Variants in DCDC1 observed in about 807,000 individuals in gnomAD.
DCDC1 encodes doublecortin domain-containing protein 1.
Under a neutral mutation model 178.3 loss-of-function variants are expected in DCDC1, and 200 were observed. That is an observed-to-expected ratio of 1.12 (90% CI 1.00 to 1.26). The LOEUF (loss-of-function observed/expected upper bound fraction) is 1.26. Ranked by LOEUF, DCDC1 falls within the 50% of genes most tolerant of loss-of-function variation. The probability of loss-of-function intolerance (pLI) is 0.00; values close to 1 mark genes in which losing one functional copy is unlikely to be tolerated. For missense variants in DCDC1, 1,983 were observed against 1,749.2 expected (o/e 1.13, Z -2.38); for synonymous variants, 690 against 604.8 (o/e 1.14, Z -2.07).
At chr11:31,224,790 A>C (rs1465964914) in intron 9 of DCDC1, among the ~76,000 whole-genome samples, 1 of 152,132 alleles carries the variant, frequency 6.6e-6, no homozygotes, top group Non-Finnish European at 1.5e-5. Context: ...AGGGAAATGC[A>C]AATTAGAACC....
chr11:31,041,018 A>G (rs568246941), intron 20 of DCDC1, among the ~76,000 whole-genome samples: 15 of 152,346 alleles, frequency 9.8e-5, no homozygotes, highest in Non-Finnish European at 2.1e-4. Flanking sequence ...TGTTAGTACT[A>G]CATTTAAAGT....
intron 7 of DCDC1, among the ~76,000 whole-genome samples, chr11:31,283,550 T>C (rs1285317142): frequency 6.6e-6 from 1 of 152,120 alleles, no homozygotes; most frequent in Middle Eastern, 3.2e-3. Flanking sequence ...TTTTGGGGTC[T>C]GTTTCTATTG....
chr11:31,365,094 G>A (rs2133414297), intron 1 of DCDC1, among the ~76,000 whole-genome samples: 1 of 152,206 alleles, frequency 6.6e-6, no homozygotes. Flanking sequence ...TTAAATGTCT[G>A]TTTACCCAGA....
chr11:31,078,062 C>T, intron 17 of DCDC1, 137 bp from the exon 18 acceptor site: 4 of 641,794 alleles, frequency 6.2e-6, no homozygotes, highest in African/African-American at 1.8e-5. Context: ...GCCACCATCA[C>T]TTTTATCTCA....
chr11:30,981,803 A>G (rs539999551), intron 20 of DCDC1, among the ~76,000 whole-genome samples: 1 of 152,278 alleles, frequency 6.6e-6, no homozygotes, highest in East Asian at 1.9e-4. Flanking sequence ...GAATAATAAG[A>G]AAGAACCTAA....
At chr11:31,086,748 A>C (rs571618005) in intron 17 of DCDC1, among the ~76,000 whole-genome samples, 1 of 152,290 alleles carries the variant, frequency 6.6e-6, no homozygotes, top group Admixed American at 6.5e-5. Flanking sequence ...CTCCTGGGAT[A>C]AACCCCACTT....
At chr11:31,035,596 C>T (rs1236702422) in intron 20 of DCDC1, among the ~76,000 whole-genome samples, 2 of 152,230 alleles carry the variant, frequency 1.3e-5, no homozygotes, top group African/African-American at 4.8e-5. Flanking sequence ...AAGGCACATG[C>T]TGAAATGTTT....
chr11:31,248,983 A>G (rs1217391742), intron 8 of DCDC1, among the ~76,000 whole-genome samples: 1 of 152,176 alleles, frequency 6.6e-6, no homozygotes, highest in Non-Finnish European at 1.5e-5. Context: ...ATATTTCATA[A>G]TAAACTTCTG....
intron 34 of DCDC1, among the ~76,000 whole-genome samples, chr11:30,896,746 T>C (rs958449460): frequency 4.6e-5 from 7 of 152,236 alleles, no homozygotes; most frequent in Admixed American, 1.3e-4. Flanking sequence ...CCAATATTTA[T>C]TGAGTATTTG....
At chr11:30,978,779 A>AACACACACACACAC (rs56058117) in intron 20 of DCDC1, among the ~76,000 whole-genome samples, 8 of 119,024 alleles carry the variant, frequency 6.7e-5, no homozygotes, top group African/African-American at 2.6e-4. Flanking sequence ...GTCCCCCCTC[A>AACACACACACACAC]ACACACACAC....
intron 1 of DCDC1, among the ~76,000 whole-genome samples, chr11:31,354,334 A>T (rs1951224815): frequency 6.6e-6 from 1 of 152,224 alleles, no homozygotes; most frequent in South Asian, 2.1e-4. Flanking sequence ...TATGACTGTC[A>T]ACACAGAATA....
At chr11:31,142,582 A>G (rs554794590) in intron 9 of DCDC1, among the ~76,000 whole-genome samples, 2 of 152,218 alleles carry the variant, frequency 1.3e-5, no homozygotes, top group Admixed American at 6.5e-5. Flanking sequence ...TTAGGATAAT[A>G]GAATTTCTTT....
At chr11:31,078,334 C>T (rs575821164) in intron 17 of DCDC1, among the ~76,000 whole-genome samples, 3 of 152,228 alleles carry the variant, frequency 2.0e-5, no homozygotes, top group Non-Finnish European at 2.9e-5. Context: ...AGGAACCTCA[C>T]GTGCCTAATT....
intron 1 of DCDC1, among the ~76,000 whole-genome samples, chr11:31,359,554 T>C (rs1212462287): frequency 2.0e-5 from 3 of 152,004 alleles, no homozygotes; most frequent in Admixed American, 6.5e-5. Flanking sequence ...CTGCACATTG[T>C]GCACATGTAC....
chr11:30,931,865 G>A lies in DCDC1; in HGVS notation c.2803C>T (p.Pro935Ser). The A allele has an allele frequency of 6.2e-7, 1 of 1,613,100 alleles. No individual in the cohort carries two copies. The highest frequency in any genetic ancestry group is 1.3e-5 in the African/African-American group (1 of 74,994). ...TTCTGCAAAACTCTGAGTCGCACAG[G>A]GGCATATGGCTCTGTTGTCTTACAG... ...PICKTTEPYA[P>S]VRLRVLQNGE... Residue 935 changes from proline (P) to serine (S), a missense_variant, in exon 22 of 39, where the codon CCT becomes TCT. Physicochemically the swap from Pro to Ser is moderately conservative, Grantham distance 74. Transcript: ENST00000684477.
At chr11:31,127,273 A>T (rs556716341) in intron 11 of DCDC1, among the ~76,000 whole-genome samples, 196 bp downstream of exon 11, 1 of 152,178 alleles carries the variant, frequency 6.6e-6, no homozygotes, top group Non-Finnish European at 1.5e-5. Context: ...ATAAATACAC[A>T]TTTCAAAGAT....
At chr11:31,236,017 T>C (rs1976410962) in intron 9 of DCDC1, among the ~76,000 whole-genome samples, 1 of 152,066 alleles carries the variant, frequency 6.6e-6, no homozygotes, top group Non-Finnish European at 1.5e-5. Flanking sequence ...TAGAGATACA[T>C]ATTTGACACT....
intron 3 of DCDC1, among the ~76,000 whole-genome samples, chr11:31,324,919 T>C (rs910706383): frequency 6.6e-6 from 1 of 152,264 alleles, no homozygotes; most frequent in East Asian, 1.9e-4. Flanking sequence ...TGGTTAGTAT[T>C]TACTTTTTAA....
intron 9 of DCDC1, among the ~76,000 whole-genome samples, chr11:31,150,063 G>A (rs2136090588): frequency 6.6e-6 from 1 of 152,150 alleles, no homozygotes; most frequent in Non-Finnish European, 1.5e-5. Flanking sequence ...TAAAAGTGTT[G>A]CCTTTTCACC....
Sources: gnomAD v4.1 joint callset for allele counts (sites outside exome capture counted in the v4.1 genomes callset) on GRCh38, gnomAD v4.1.1 for gene constraint, MANE v1.5 for transcripts, NCBI Gene and HGNC (gene_info 2026-07-23, HGNC 2026-07-21) for gene names.